Variants in PABIR1 observed in about 807,000 individuals in gnomAD.
The protein encoded by PABIR1 is PP2A Aalpha (PPP2R1A) and B55A (PPP2R2A) interacting phosphatase regulator 1.
PABIR1 carries 2 observed loss-of-function variants against 14.6 expected under a neutral mutation model. That is an observed-to-expected ratio of 0.14 (90% CI 0.06 to 0.43). The LOEUF (loss-of-function observed/expected upper bound fraction) is 0.43. PABIR1 is among the 20% of genes least tolerant of loss of function. The pLI is 0.99. For synonymous variants in PABIR1, 163 were observed against 155.4 expected (o/e 1.05, Z -0.36); for missense variants, 294 against 379.0 (o/e 0.78, Z 1.86).
rs936157823 is a variant in PABIR1 at position 68,781,606 on chromosome 9, A to C, written c.*578A>C. On this transcript the variant is annotated 3_prime_UTR_variant, in exon 1 of 1. Transcript: ENST00000394264. Reference sequence around the variant, plus strand: ...TGGGAGGGGGAATGATTAAAGAACAAATTATAAAAGTTTGAACAAATCTTT... The same window carrying C: ...TGGGAGGGGGAATGATTAAAGAACACATTATAAAAGTTTGAACAAATCTTT... 1.8e-5 allele frequency: 3 copies of C among 166,956 alleles called. No individual in the cohort carries two copies. Among genetic ancestry groups the C allele is most frequent in the African/African-American group, 4.8e-5 (2 of 41,446 alleles). The allele number at this position is 166,956 out of a possible 1,614,324, so 10.3% of individuals were successfully genotyped here.
Position 68,780,714 on chromosome 9 carries a change from A to G in PABIR1, c.550A>G (p.Thr184Ala). The change falls in exon 1 of 1, where the codon ACC becomes GCC. Residue 184 changes from threonine (T) to alanine (A), a missense_variant. Around this residue, in one of 3 missense-constraint regions of PABIR1, gnomAD observed 103 missense variants for 175.9 expected, o/e 0.59. Transcript: ENST00000394264. ...TCCCAGCCCAACGACCCGATTTACC[A>G]CCCGGAGAAGCCAGAGCCCCATCAA... The part of the protein sequence containing the change: ...PIPSPTTRFT[T>A]RRSQSPINCI... 6.2e-7 allele frequency: 1 copy of G among 1,614,116 alleles called. No homozygotes were observed.
In PABIR1 at chr9:68,780,482, G is replaced by A; in HGVS notation, c.318G>A (p.Glu106=). The change falls in exon 1 of 1, where the codon GAG becomes GAA. Residue 106 remains glutamate, a synonymous_variant. Transcript: ENST00000394264. Reference sequence around the variant, plus strand: ...ACCGAGAGACGGTCCACGAACGGGAGGTGCAGACCGCAATGCAGATAAGCC... The same window carrying A: ...ACCGAGAGACGGTCCACGAACGGGAAGTGCAGACCGCAATGCAGATAAGCC... ...LINRETVHER[E]VQTAMQISHS... 6.2e-7 allele frequency: 1 copy of A among 1,614,242 alleles called. No individual in the cohort carries two copies. Among genetic ancestry groups the A allele is most frequent in the Non-Finnish European group, 8.5e-7 (1 of 1,180,052 alleles).
At position 68,780,818 on chromosome 9, in the gene PABIR1, C is replaced by G; in HGVS notation, c.654C>G (p.Phe218Leu). 2 of 1,614,194 alleles carry G rather than the reference C, an allele frequency of 1.2e-6. No individual in the cohort carries two copies. The highest frequency in any genetic ancestry group is 1.7e-6 in the Non-Finnish European group (2 of 1,180,034). ...METEYQPKRF[F>L]QGITNMLSSD... is the part of the protein sequence containing the mutation. ...CTGAATATCAGCCAAAGAGATTTTT[C>G]CAGGGCATCACCAACATGCTTTCTT... is the stretch of plus-strand genomic sequence containing the variant. The change falls in exon 1 of 1, where the codon TTC becomes TTG. Residue 218 changes from phenylalanine (F) to leucine (L), a missense_variant. Transcript: ENST00000394264.
Position 68,780,068 on chromosome 9 carries a change from T to G in PABIR1, c.-97T>G. On this transcript the variant is annotated 5_prime_UTR_variant, in exon 1 of 1. Coordinates refer to ENST00000394264, the MANE Select transcript of PABIR1 (RefSeq NM_138333.5). ...GCAGAGGGGCCAGCCCGCTGACAGA[T>G]TCTCGGTGGCGGCGGCAGCGGCGGC... is the stretch of plus-strand genomic sequence containing the variant. 4 of 1,421,928 alleles carry G rather than the reference T, an allele frequency of 2.8e-6. No individual in the cohort carries two copies. Among genetic ancestry groups the G allele is most frequent in the South Asian group, 1.6e-5 (1 of 61,756 alleles). The allele number at this position is 1,421,928 out of a possible 1,614,324, so 88.1% of individuals were successfully genotyped here.
Position 68,781,018 on chromosome 9 carries a change from C to T in PABIR1, c.854C>T (p.Ser285Leu), listed in dbSNP as rs13298220. ...ASPFIPLDEL[S>L]SK Reference sequence around the variant, plus strand: ...CCATTTATTCCACTAGATGAACTTTCGTCTAAGTGATTCACTCATCCTGAG... The same window carrying T: ...CCATTTATTCCACTAGATGAACTTTTGTCTAAGTGATTCACTCATCCTGAG... The change falls in exon 1 of 1, where the codon TCG (serine) becomes TTG (leucine). Residue 285 changes from serine to leucine, a missense_variant. Transcript: ENST00000394264. 1.2e-6 allele frequency: 2 copies of T among 1,612,500 alleles called. No homozygotes were observed. The highest frequency in any genetic ancestry group is 1.7e-4 in the Middle Eastern group (1 of 6,050).
At position 68,780,087 on chromosome 9, in the gene PABIR1, C is replaced by CAAAAAA; in HGVS notation, c.-78_-77insAAAAAA. 2.8e-6 allele frequency: 4 copies of CAAAAAA among 1,411,320 alleles called. No individual in the cohort carries two copies. The highest frequency in any genetic ancestry group is 3.0e-5 in the Admixed American group (1 of 33,096). The allele number at this position is 1,411,320 out of a possible 1,614,324, so 87.4% of individuals were successfully genotyped here. ...GACAGATTCTCGGTGGCGGCGGCAG[C>CAAAAAA]GGCGGCGGCCCTGGACTGCGGGGAA... On this transcript the variant is annotated 5_prime_UTR_variant, in exon 1 of 1. Coordinates refer to ENST00000394264, the MANE Select transcript of PABIR1 (RefSeq NM_138333.5).
In PABIR1 at chr9:68,781,332, CTA is replaced by C. The variant is rs1421779419; in HGVS notation, c.*306_*307del. 7.8e-6 allele frequency: 2 copies of C among 255,222 alleles called. No homozygotes were observed. Among genetic ancestry groups the C allele is most frequent in the African/African-American group, 2.3e-5 (1 of 43,776 alleles). 15.8% of individuals were successfully genotyped at this position (255,222 alleles called of 1,614,324 possible). A position where few individuals can be genotyped will look rare whatever the true frequency, so the allele number is the denominator to read the frequency against. ...TGATTTTTTTAAATAACTGAGAGCTCTATTTATTTATGGGATTATTAAGTTCT... is the reference window on the plus strand; with the variant it reads ...TGATTTTTTTAAATAACTGAGAGCTCTTTATTTATGGGATTATTAAGTTCT... On this transcript the variant is annotated 3_prime_UTR_variant, in exon 1 of 1. Coordinates refer to ENST00000394264, the MANE Select transcript of PABIR1 (RefSeq NM_138333.5).
Position 68,780,416 on chromosome 9 carries a change from C to A in PABIR1, c.252C>A (p.Arg84=). The A allele has an allele frequency of 6.2e-7, 1 of 1,614,112 alleles. No individual in the cohort carries two copies. The highest frequency in any genetic ancestry group is 2.2e-5 in the East Asian group (1 of 44,888). Residue 84 remains arginine, a synonymous_variant, in exon 1 of 1, where the codon CGC becomes CGA. Transcript: ENST00000394264. ...CCCCTGTCCGCATGCACAGCAGCCG[C>A]TTGCACCAGATCAAACAAGAAGAGG... ...PASPVRMHSS[R]LHQIKQEEGM...
chr9:68,781,045 C>T lies in PABIR1; in HGVS notation c.*17C>T. 3 of 1,602,060 alleles carry T rather than the reference C, an allele frequency of 1.9e-6. No homozygotes were observed. The highest frequency in any genetic ancestry group is 2.6e-6 in the Non-Finnish European group (3 of 1,172,362). On this transcript the variant is annotated 3_prime_UTR_variant, in exon 1 of 1. Transcript: ENST00000394264. Reference sequence around the variant, plus strand: ...TCTAAGTGATTCACTCATCCTGAGACTTTCTTTTTGCAGTGGAGAGAGAGA... The same window carrying T: ...TCTAAGTGATTCACTCATCCTGAGATTTTCTTTTTGCAGTGGAGAGAGAGA...
At position 68,780,110 on chromosome 9, in the gene PABIR1, G is replaced by T; in HGVS notation, c.-55G>T. ...AGCGGCGGCGGCCCTGGACTGCGGG[G>T]AATGGGAATCCTAGGTCCCTGACTG... is the stretch of plus-strand genomic sequence containing the variant. On this transcript the variant is annotated 5_prime_UTR_variant, in exon 1 of 1. Coordinates refer to ENST00000394264, the MANE Select transcript of PABIR1 (RefSeq NM_138333.5). The T allele has an allele frequency of 6.8e-7, 1 of 1,480,786 alleles. No homozygotes were observed. The highest frequency in any genetic ancestry group is 1.4e-5 in the South Asian group (1 of 69,034). The allele number at this position is 1,480,786 out of a possible 1,614,324, so 91.7% of individuals were successfully genotyped here.
rs764737994 is a variant in PABIR1, at chr9:68,780,466, C to T, written c.302C>T (p.Thr101Met). The change falls in exon 1 of 1, where the codon ACG becomes ATG. Residue 101 changes from threonine to methionine, a missense_variant. This residue lies in a region of PABIR1 where 103 missense variants were observed against 175.9 expected (regional missense o/e 0.59). Transcript: ENST00000394264. ...GGCATGGACTTGATCAACCGAGAGACGGTCCACGAACGGGAGGTGCAGACC... is the reference window on the plus strand; with the variant it reads ...GGCATGGACTTGATCAACCGAGAGATGGTCCACGAACGGGAGGTGCAGACC... ...EEGMDLINRE[T>M]VHEREVQTAM... The T allele has an allele frequency of 6.2e-7, 1 of 1,614,242 alleles. No individual in the cohort carries two copies. Among genetic ancestry groups the T allele is most frequent in the Non-Finnish European group, 8.5e-7 (1 of 1,180,044 alleles).
At position 68,781,463 on chromosome 9, in the gene PABIR1, A is replaced by G. The variant is rs923975495; in HGVS notation, c.*435A>G. 5 of 176,182 alleles carry G rather than the reference A, an allele frequency of 2.8e-5. No individual in the cohort carries two copies. The highest frequency in any genetic ancestry group is 6.0e-5 in the Admixed American group (1 of 16,760). The allele number at this position is 176,182 out of a possible 1,614,324, so 10.9% of individuals were successfully genotyped here. A position where few individuals can be genotyped will look rare whatever the true frequency, so the allele number is the denominator to read the frequency against. On this transcript the variant is annotated 3_prime_UTR_variant, in exon 1 of 1. Transcript: ENST00000394264. Reference sequence around the variant, plus strand: ...TTAATGTTATTTTCAGTGGTTGCCGATTTCCATTTGATGAAGAACTATACA... The same window carrying G: ...TTAATGTTATTTTCAGTGGTTGCCGGTTTCCATTTGATGAAGAACTATACA...
Position 68,780,862 on chromosome 9 carries a change from C to T in PABIR1, c.698C>T (p.Ser233Leu), listed in dbSNP as rs1831225159. 1 of 1,614,122 alleles carries T rather than the reference C, an allele frequency of 6.2e-7. No homozygotes were observed. Among genetic ancestry groups the T allele is most frequent in the Non-Finnish European group, 8.5e-7 (1 of 1,180,054 alleles). ...NMLSSDVAQL[S>L]DPGVCVSSDT... ...CTTTCTTCTGACGTTGCACAGCTGTCAGATCCTGGTGTGTGTGTATCTTCG... is the reference window on the plus strand; with the variant it reads ...CTTTCTTCTGACGTTGCACAGCTGTTAGATCCTGGTGTGTGTGTATCTTCG... The change falls in exon 1 of 1, where the codon TCA becomes TTA. Residue 233 changes from serine to leucine, a missense_variant. Ser to Leu is a moderately radical substitution (Grantham distance 145). Around this residue, in one of 3 missense-constraint regions of PABIR1, gnomAD observed 95 missense variants for 100.8 expected, o/e 0.94. Transcript: ENST00000394264.
rs1831230205 is a variant in PABIR1 at position 68,780,923 on chromosome 9, T to A, written c.759T>A (p.Ser253=). The change falls in exon 1 of 1, where the codon TCT becomes TCA. Residue 253 remains serine, a synonymous_variant. Coordinates refer to ENST00000394264, the MANE Select transcript of PABIR1 (RefSeq NM_138333.5). ...TLDGNSSSAG[S]SCNSPAKVST... is the part of the protein sequence containing the mutation. ...ATGGAAACAGCAGCAGTGCCGGATCTTCTTGTAACTCACCAGCGAAAGTCA... is the reference window on the plus strand; with the variant it reads ...ATGGAAACAGCAGCAGTGCCGGATCATCTTGTAACTCACCAGCGAAAGTCA... The A allele has an allele frequency of 3.1e-6, 5 of 1,613,974 alleles. No homozygotes were observed. Among genetic ancestry groups the A allele is most frequent in the African/African-American group, 1.3e-5 (1 of 74,908 alleles).
In PABIR1 at chr9:68,782,357, C is replaced by T. The variant is rs1032259737; in HGVS notation, c.*1329C>T. 1 of 166,918 alleles carries T rather than the reference C, an allele frequency of 6.0e-6. No individual in the cohort carries two copies. Among genetic ancestry groups the T allele is most frequent in the African/African-American group, 2.4e-5 (1 of 41,396 alleles). 10.3% of individuals were successfully genotyped at this position (166,918 alleles called of 1,614,324 possible). A position where few individuals can be genotyped will look rare whatever the true frequency, so the allele number is the denominator to read the frequency against. The stretch of plus-strand genomic sequence containing the variant: ...TAGGTTTTCCTAAAGTTAGAATAGT[C>T]GAATGTTCTTTTCTTTACCTTTACA... On this transcript the variant is annotated 3_prime_UTR_variant, in exon 1 of 1. Coordinates refer to ENST00000394264, the MANE Select transcript of PABIR1 (RefSeq NM_138333.5).
rs1239180654 is a variant in PABIR1 at position 68,780,886 on chromosome 9, C to T, written c.722C>T (p.Ser241Leu). ...TCAGATCCTGGTGTGTGTGTATCTTCGGATACCCTTGATGGAAACAGCAGC... is the reference window on the plus strand; with the variant it reads ...TCAGATCCTGGTGTGTGTGTATCTTTGGATACCCTTGATGGAAACAGCAGC... ...QLSDPGVCVS[S>L]DTLDGNSSSA... is the part of the protein sequence containing the mutation. Residue 241 changes from serine to leucine, a missense_variant, in exon 1 of 1, where the codon TCG becomes TTG. By Grantham distance (145) the Ser-to-Leu change is moderately radical. Coordinates refer to ENST00000394264, the MANE Select transcript of PABIR1 (RefSeq NM_138333.5). 1 of 1,614,194 alleles carries T rather than the reference C, an allele frequency of 6.2e-7. No homozygotes were observed. The highest frequency in any genetic ancestry group is 1.7e-5 in the Admixed American group (1 of 60,024).
chr9:68,782,979 C>G lies in PABIR1; in HGVS notation c.*1951C>G, dbSNP rs1831384956. The G allele has an allele frequency of 6.0e-6, 1 of 167,096 alleles. No individual in the cohort carries two copies. Among genetic ancestry groups the G allele is most frequent in the Non-Finnish European group, 1.5e-5 (1 of 68,132 alleles). The allele number at this position is 167,096 out of a possible 1,614,324, so 10.4% of individuals were successfully genotyped here. A position where few individuals can be genotyped will look rare whatever the true frequency, so the allele number is the denominator to read the frequency against. On this transcript the variant is annotated 3_prime_UTR_variant, in exon 1 of 1. Transcript: ENST00000394264. ...AGTCCTGTCAACTTCTGAAATGAATCTCAAATTTCTTCCCTTCTCTATCTG... is the reference window on the plus strand; with the variant it reads ...AGTCCTGTCAACTTCTGAAATGAATGTCAAATTTCTTCCCTTCTCTATCTG...
rs763190878 is a variant in PABIR1, at chr9:68,780,997, T to G, written c.833T>G (p.Phe278Cys). Residue 278 changes from phenylalanine to cysteine, a missense_variant, in exon 1 of 1, where the codon TTT becomes TGT. By Grantham distance (205) the Phe-to-Cys change is radical. This residue lies in a region of PABIR1 where 95 missense variants were observed against 100.8 expected (regional missense o/e 0.94). Coordinates refer to ENST00000394264, the MANE Select transcript of PABIR1 (RefSeq NM_138333.5). ...TCACCTGCCCAAGCGGCTTCTCCAT[T>G]TATTCCACTAGATGAACTTTCGTCT... ...PVSPAQAASP[F>C]IPLDELSSK The G allele has an allele frequency of 2.5e-6, 4 of 1,614,046 alleles. No individual in the cohort carries two copies. In the South Asian group the frequency reaches 4.4e-5, roughly 18 times the overall value.
chr9:68,780,267 T>A lies in PABIR1; in HGVS notation c.103T>A (p.Ser35Thr), dbSNP rs1414650887. ...GSGGGGGLRRSNSAPLIHGLS... is the reference protein window; with the variant it reads ...GSGGGGGLRRTNSAPLIHGLS... ...CGGCGGCGGCGGGGGCCTCAGGAGGTCTAACAGCGCCCCCCTGATCCACGG... is the reference window on the plus strand; with the variant it reads ...CGGCGGCGGCGGGGGCCTCAGGAGGACTAACAGCGCCCCCCTGATCCACGG... The change falls in exon 1 of 1, where the codon TCT becomes ACT. Residue 35 changes from serine (S) to threonine (T), a missense_variant. By Grantham distance (58) the Ser-to-Thr change is moderately conservative (BLOSUM62 1). Transcript: ENST00000394264. The A allele has an allele frequency of 3.8e-6, 6 of 1,566,296 alleles. No individual in the cohort carries two copies. The highest frequency in any genetic ancestry group is 1.4e-5 in the African/African-American group (1 of 73,164).
Sources: gnomAD v4.1 joint callset for allele counts on GRCh38, gnomAD v4.1.1 for gene constraint, gnomAD v4.1.1 regional missense constraint, MANE v1.5 for transcripts, NCBI Gene and HGNC (gene_info 2026-07-23, HGNC 2026-07-21) for gene names.